Variants in CASK observed in about 807,000 individuals in gnomAD.
CASK encodes calcium/calmodulin dependent serine protein kinase.
CASK carries 4 observed loss-of-function variants against 82.9 expected under a neutral mutation model. That is an observed-to-expected ratio of 0.05 (90% CI 0.02 to 0.11). CASK has a LOEUF of 0.11. Among genes scored for constraint, CASK ranks in the 10% least tolerant of loss-of-function variants. The probability of loss-of-function intolerance (pLI) is 1.00; values close to 1 mark genes in which losing one functional copy is unlikely to be tolerated. For synonymous variants in CASK, 259 were observed against 253.5 expected, an observed-to-expected ratio of 1.02 and a Z score of -0.20; for missense variants, 358 against 720.9, an observed-to-expected ratio of 0.50 and a Z score of 5.76.
chrX:41,610,500 T>C (rs767109977), intron 11 of CASK, among the ~76,000 whole-genome samples: 37 of 111,859 alleles, frequency 3.3e-4, no homozygotes, highest in African/African-American at 1.1e-3. Flanking sequence ...CTGCTTAAAA[T>C]AGGCTTCTTA....
At chrX:41,668,060 C>T (rs1469553070) in intron 6 of CASK, among the ~76,000 whole-genome samples, 2 of 111,740 alleles carry the variant, frequency 1.8e-5, no homozygotes, top group Non-Finnish European at 3.8e-5. Flanking sequence ...TAACTAGAAC[C>T]TGACTAGCAA....
chrX:41,691,380 T>C (rs1044339349), intron 5 of CASK, among the ~76,000 whole-genome samples: 1 of 112,207 alleles, frequency 8.9e-6, no homozygotes, highest in African/African-American at 3.2e-5. Context: ...TAAAGCTAGA[T>C]GGCATAACCT....
chrX:41,717,426 G>A, intron 5 of CASK, among the ~76,000 whole-genome samples: 1 of 112,268 alleles, frequency 8.9e-6, no homozygotes. Flanking sequence ...GATAAGCACA[G>A]TGGCTGATTC....
intron 17 of CASK, among the ~76,000 whole-genome samples, chrX:41,560,224 G>C (rs1450043722): frequency 1.8e-5 from 2 of 111,637 alleles, no homozygotes; most frequent in Non-Finnish European, 3.8e-5. Flanking sequence ...CATTATAATG[G>C]TGTACCCCAT....
intron 2 of CASK, among the ~76,000 whole-genome samples, chrX:41,794,414 T>C (rs988459720): frequency 4.5e-5 from 5 of 112,242 alleles, no homozygotes; most frequent in Non-Finnish European, 9.4e-5. Flanking sequence ...AAAATAGAAA[T>C]ACAATGCTCT....
intron 12 of CASK, among the ~76,000 whole-genome samples, chrX:41,609,003 T>C (rs2065998818): frequency 8.9e-6 from 1 of 112,748 alleles, no homozygotes; most frequent in Non-Finnish European, 1.9e-5. Flanking sequence ...AAAACTCACA[T>C]ACCACTTGCA....
chrX:41,867,395 G>GTTCC (rs1489911165), intron 1 of CASK, among the ~76,000 whole-genome samples: 1 of 112,303 alleles, frequency 8.9e-6, no homozygotes, highest in East Asian at 2.8e-4. Flanking sequence ...TTACATTTAA[G>GTTCC]TTAATTTGAA....
At chrX:41,554,059 CA>C (rs2065132405) in intron 20 of CASK, 144 bp from the exon 21 acceptor site, 1 of 499,248 alleles carries the variant, frequency 2.0e-6, no homozygotes, top group South Asian at 2.8e-5. Flanking sequence ...AAATACGACA[CA>C]AAAAACTTCT....
rs757277613 is a variant in CASK, at chrX:41,865,691, G to A, written c.60-12464C>T. Among the ~76,000 whole-genome samples, 7 of 111,252 alleles carry A rather than the reference G, an allele frequency of 6.3e-5. No homozygotes were observed. In the South Asian group the frequency reaches 2.7e-3, roughly 43 times the overall value. On this transcript the variant is annotated intron_variant, in intron 1 of 26. Transcript: ENST00000378163. Reference sequence around the variant, plus strand: ...CAGGATCTTCTATTTTAGCAGGGTGGTCACCCTGCTTAGGTTTAGTGTGTA... The same window carrying A: ...CAGGATCTTCTATTTTAGCAGGGTGATCACCCTGCTTAGGTTTAGTGTGTA...
In CASK at chrX:41,642,529, C is replaced by T. The variant is rs762329214; in HGVS notation, c.832-5868G>A. 1.2e-4 allele frequency among the ~76,000 whole-genome samples: 13 copies of T among 112,394 alleles called. No homozygotes were observed. In the Admixed American group the frequency reaches 1.2e-3, roughly 11 times the overall value. Reference sequence around the variant, plus strand: ...GAGCATTTTTTCAGGTGTCTGTTGGCTGCATAAATGTCTTCTTTTGAGAAG... The same window carrying T: ...GAGCATTTTTTCAGGTGTCTGTTGGTTGCATAAATGTCTTCTTTTGAGAAG... On this transcript the variant is annotated intron_variant, in intron 8 of 26. Coordinates refer to ENST00000378163, the MANE Select transcript of CASK (RefSeq NM_001367721.1).
chrX:41,840,647 GC>G (rs2071017448), intron 2 of CASK, among the ~76,000 whole-genome samples: 1 of 112,007 alleles, frequency 8.9e-6, no homozygotes, highest in East Asian at 2.8e-4. Flanking sequence ...GAACATCCTG[GC>G]CTCATTCCCA....
chrX:41,891,831 C>T (rs920117599), intron 1 of CASK, among the ~76,000 whole-genome samples: 2 of 111,684 alleles, frequency 1.8e-5, no homozygotes, highest in Non-Finnish European at 3.8e-5. Flanking sequence ...AACAAATGGC[C>T]AATTTATAGA....
chrX:41,759,286 T>C (rs1050920146), intron 3 of CASK, among the ~76,000 whole-genome samples: 1 of 111,753 alleles, frequency 8.9e-6, no homozygotes, highest in Admixed American at 9.6e-5. Context: ...TTCTCAACAC[T>C]ATTTAAAAAT....
chrX:41,533,189 G>A (rs1219441780), intron 24 of CASK, among the ~76,000 whole-genome samples: 1 of 111,403 alleles, frequency 9.0e-6, no homozygotes, highest in African/African-American at 3.3e-5. Context: ...ACACATACAG[G>A]GTCAAATATT....
intron 5 of CASK, among the ~76,000 whole-genome samples, chrX:41,687,051 T>C (rs187518739): frequency 2.7e-5 from 3 of 111,906 alleles, no homozygotes; most frequent in African/African-American, 6.5e-5. Flanking sequence ...CTGACTCACA[T>C]TGAGGAGAAA....
At chrX:41,521,047 G>T (rs111844524) in intron 26 of CASK, among the ~76,000 whole-genome samples, 81 of 112,274 alleles carry the variant, frequency 7.2e-4, no homozygotes, top group African/African-American at 2.5e-3. Context: ...CTTTGCCCCC[G>T]TCCCCTTGGT....
intron 12 of CASK, among the ~76,000 whole-genome samples, chrX:41,592,221 GAAAAA>G (rs764905417): frequency 1.8e-5 from 1 of 57,123 alleles, no homozygotes; most frequent in Non-Finnish European, 3.3e-5. Flanking sequence ...ACTTTGTCTC[GAAAAA>G]AAAAAAAAAA....
intron 9 of CASK, among the ~76,000 whole-genome samples, 177 bp downstream of exon 9, chrX:41,636,401 T>C (rs925352397): frequency 2.7e-5 from 3 of 112,141 alleles, no homozygotes; most frequent in African/African-American, 9.7e-5. Flanking sequence ...ATATACTACC[T>C]TAAATAATTT....
intron 1 of CASK, among the ~76,000 whole-genome samples, chrX:41,873,852 C>T (rs933738894): frequency 2.5e-4 from 25 of 101,341 alleles, no homozygotes; most frequent in Admixed American, 1.1e-3. Flanking sequence ...TGCAGTGGCA[C>T]GATCTCGGCT....
Sources: gnomAD v4.1 joint callset for allele counts (sites outside exome capture counted in the v4.1 genomes callset) on GRCh38, gnomAD v4.1.1 for gene constraint, MANE v1.5 for transcripts, NCBI Gene and HGNC (gene_info 2026-07-23, HGNC 2026-07-21) for gene names.